TSGA10: variants seen among roughly 807,000 people sequenced by gnomAD.
The protein encoded by TSGA10 is testis-specific gene 10 protein.
In TSGA10, 43 loss-of-function variants were observed where a neutral mutation model predicts 96.6. That is an observed-to-expected ratio of 0.44 (90% CI 0.35 to 0.57). The LOEUF is 0.57. Among genes scored for constraint, TSGA10 ranks in the 20% least tolerant of loss-of-function variants. TSGA10 has a pLI of 0.01. For synonymous variants in TSGA10, 229 were observed against 269.9 expected, an observed-to-expected ratio of 0.85 and a Z score of 1.48; for missense variants, 703 against 834.4, an observed-to-expected ratio of 0.84 and a Z score of 1.94.
At chr2:99,085,555 G>T (rs2088183301) in intron 10 of TSGA10, among the ~76,000 whole-genome samples, 1 of 141,676 alleles carries the variant, frequency 7.1e-6, no homozygotes, top group South Asian at 2.3e-4. Context: ...GCTGCAGTGA[G>T]CTGTGACTGT....
chr2:99,006,190 T>C (rs375260480), intron 20 of TSGA10, among the ~76,000 whole-genome samples: 5 of 152,058 alleles, frequency 3.3e-5, no homozygotes, highest in African/African-American at 1.2e-4. Context: ...CATAAAAACC[T>C]TAGAAGAAAA....
At chr2:99,153,126 G>T (rs916410486) in intron 1 of TSGA10, among the ~76,000 whole-genome samples, 6 of 152,126 alleles carry the variant, frequency 3.9e-5, no homozygotes, top group African/African-American at 1.4e-4. Context: ...GAGTTGACAG[G>T]GTAATGTCAA....
chr2:99,018,713 C>T (rs993786480), intron 18 of TSGA10, 73 bp from the exon 19 acceptor site: 2 of 1,298,046 alleles, frequency 1.5e-6, no homozygotes, highest in African/African-American at 1.5e-5. Flanking sequence ...TACATGAAAC[C>T]ATATTGATAG....
chr2:99,030,892 C>T (rs1010808135), intron 17 of TSGA10, among the ~76,000 whole-genome samples: 1 of 151,696 alleles, frequency 6.6e-6, no homozygotes, highest in East Asian at 1.9e-4. Context: ...GAATTGGAGG[C>T]CTTAGCATAG....
rs1033985630 is a variant in TSGA10, at chr2:99,105,608, T to G, written c.300A>C (p.Arg100=). Residue 100 remains arginine (R), a synonymous_variant, in exon 8 of 21, where the codon CGA becomes CGC. Transcript: ENST00000393483. ...KSTTAHAILR[R]VETERDVAFT... ...AGGCTACATCTCTTTCAGTCTCCAC[T>G]CGCCGGAGAATAGCATGTGCCGTTG... 4 of 1,610,716 alleles carry G rather than the reference T, an allele frequency of 2.5e-6. No individual in the cohort carries two copies. Among genetic ancestry groups the G allele is most frequent in the Non-Finnish European group, 3.4e-6 (4 of 1,177,060 alleles).
chr2:99,115,713 C>T (rs1330077103), intron 4 of TSGA10, among the ~76,000 whole-genome samples: 1 of 152,034 alleles, frequency 6.6e-6, no homozygotes, highest in African/African-American at 2.4e-5. Flanking sequence ...AACCCTATTT[C>T]TACTAAAAAT....
intron 1 of TSGA10, among the ~76,000 whole-genome samples, chr2:99,132,089 T>C (rs2093117199): frequency 6.6e-6 from 1 of 152,128 alleles, no homozygotes. Flanking sequence ...TTTTTTGCTG[T>C]TGTTGTTTCC....
At chr2:99,058,633 T>C (rs2084273583) in intron 16 of TSGA10, among the ~76,000 whole-genome samples, 1 of 151,966 alleles carries the variant, frequency 6.6e-6, no homozygotes, top group African/African-American at 2.4e-5. Context: ...ATAACAAGAA[T>C]GCAAAAAGGA....
At chr2:99,079,852 G>A (rs556048316) in intron 11 of TSGA10, among the ~76,000 whole-genome samples, 1 of 152,236 alleles carries the variant, frequency 6.6e-6, no homozygotes, top group Admixed American at 6.5e-5. Flanking sequence ...CAGTGCTATG[G>A]GAGATAATAC....
At chr2:99,109,296 A>G in intron 6 of TSGA10, 93 bp downstream of exon 6, 1 of 1,419,274 alleles carries the variant, frequency 7.0e-7, no homozygotes, top group Non-Finnish European at 9.9e-7. Context: ...ACAGCAAATC[A>G]AAACAAATTA....
rs76548452 is a variant in TSGA10 at position 99,117,509 on chromosome 2, A to G, written c.-140+35T>C. 2,576 of 942,864 alleles carry G rather than the reference A, an allele frequency of 2.7e-3. 55 individuals carry two copies. In the African/African-American group the frequency reaches 0.043, roughly 16 times the overall value. The allele number at this position is 942,864 out of a possible 1,614,324, so 58.4% of individuals were successfully genotyped here. A position where few individuals can be genotyped will look rare whatever the true frequency, so the allele number is the denominator to read the frequency against. ...TTAAAAATTACATGATGTTTAAAGTAAAATTAAAATCCTTATCCGTGGTAA... is the reference window on the plus strand; with the variant it reads ...TTAAAAATTACATGATGTTTAAAGTGAAATTAAAATCCTTATCCGTGGTAA... On this transcript the variant is annotated intron_variant, in intron 4 of 20. Coordinates refer to ENST00000393483, the MANE Select transcript of TSGA10 (RefSeq NM_025244.4).
chr2:99,124,401 TTC>T (rs1250200663), intron 2 of TSGA10, among the ~76,000 whole-genome samples: 2 of 152,192 alleles, frequency 1.3e-5, no homozygotes, highest in African/African-American at 2.4e-5. Flanking sequence ...TGGAAATATT[TTC>T]TCTCATGTAG....
intron 1 of TSGA10, among the ~76,000 whole-genome samples, chr2:99,129,591 A>ACAT (rs2092980145): frequency 6.6e-6 from 1 of 152,152 alleles, no homozygotes; most frequent in Admixed American, 6.6e-5. Flanking sequence ...GAGGAAAGAC[A>ACAT]CATCAGTGTA....
chr2:99,067,168 G>A (rs1274152349), intron 15 of TSGA10, among the ~76,000 whole-genome samples: 1 of 152,056 alleles, frequency 6.6e-6, no homozygotes, highest in Non-Finnish European at 1.5e-5. Flanking sequence ...CCACTGCCTG[G>A]CAGTCATTCT....
chr2:99,079,151 C>T (rs1199547921), intron 11 of TSGA10, among the ~76,000 whole-genome samples: 4 of 152,106 alleles, frequency 2.6e-5, no homozygotes, highest in South Asian at 2.1e-4. Context: ...AAACAATCTG[C>T]GGCATTTCTC....
intron 17 of TSGA10, among the ~76,000 whole-genome samples, chr2:99,031,327 A>G (rs1573635804): frequency 6.8e-6 from 1 of 146,844 alleles, no homozygotes; most frequent in African/African-American, 2.5e-5. Context: ...CTCTATGTCA[A>G]CCTCACACTT....
At chr2:99,039,092 C>T (rs2081945930) in intron 16 of TSGA10, among the ~76,000 whole-genome samples, 1 of 151,820 alleles carries the variant, frequency 6.6e-6, no homozygotes, top group Non-Finnish European at 1.5e-5. Flanking sequence ...TTGAGCTGAA[C>T]AATAATAGTG....
At position 99,121,331 on chromosome 2, in the gene TSGA10, T is replaced by C. The variant is rs907193615; in HGVS notation, c.-491-2645A>G. 4.3e-5 allele frequency among the ~76,000 whole-genome samples: 5 copies of C among 116,530 alleles called. No individual in the cohort carries two copies. In the Admixed American group the frequency reaches 4.4e-4, roughly 10 times the overall value. The allele number at this position is 116,530 out of a possible 152,430, so 76.4% of individuals were successfully genotyped here. A position where few individuals can be genotyped will look rare whatever the true frequency, so the allele number is the denominator to read the frequency against. On this transcript the variant is annotated intron_variant, in intron 2 of 20. Transcript: ENST00000393483. ...TCTCCTCATCCTTGCCAGCATTTGG[T>C]ATTGTCACTATTTTTTATTTTAGTT...
chr2:99,000,072 T>A (rs1415156289), intron 20 of TSGA10, among the ~76,000 whole-genome samples: 1 of 152,170 alleles, frequency 6.6e-6, no homozygotes. Context: ...ACCTATTTTT[T>A]AAAAAGATTT....
Sources: allele counts gnomAD v4.1 joint callset (sites outside exome capture counted in the v4.1 genomes callset), GRCh38; gene constraint gnomAD v4.1.1; transcripts MANE v1.5; gene names NCBI Gene and HGNC (gene_info 2026-07-23, HGNC 2026-07-21).